Variants in SHISA9 observed in about 807,000 individuals in gnomAD.
The protein encoded by SHISA9 is shisa family member 9.
In SHISA9, 13 loss-of-function variants were observed where a neutral mutation model predicts 38.0. That is an observed-to-expected ratio of 0.34 (90% CI 0.22 to 0.54). The LOEUF (loss-of-function observed/expected upper bound fraction) is 0.54. Ranked by LOEUF, SHISA9 falls within the 20% of genes least tolerant of loss-of-function variation. The pLI, the probability that SHISA9 is intolerant of heterozygous loss-of-function variation, is 0.91. For synonymous variants in SHISA9, 275 were observed against 242.0 expected (o/e 1.14, Z -1.27); for missense variants, 538 against 575.8 (o/e 0.93, Z 0.67).
the SHISA9 span, among the ~76,000 whole-genome samples, chr16:13,458,131 A>G: frequency 6.6e-6 from 1 of 152,218 alleles, no homozygotes; most frequent in East Asian, 1.9e-4. Flanking sequence ...GCATTTGGGA[A>G]ACAGTGAAGG....
chr16:13,111,787 G>A (rs1230923640), intron 2 of SHISA9, among the ~76,000 whole-genome samples: 1 of 152,178 alleles, frequency 6.6e-6, no homozygotes. Context: ...TTTGGATTCT[G>A]TAAATGTGTG....
chr16:12,987,161 G>A (rs574591594), intron 2 of SHISA9, among the ~76,000 whole-genome samples: 1 of 152,266 alleles, frequency 6.6e-6, no homozygotes, highest in Non-Finnish European at 1.5e-5. Context: ...TGGGGCTAAA[G>A]AGCTGTTGTC....
At chr16:13,099,820 A>C (rs1216120753) in intron 2 of SHISA9, among the ~76,000 whole-genome samples, 3 of 152,190 alleles carry the variant, frequency 2.0e-5, no homozygotes, top group Admixed American at 6.5e-5. Flanking sequence ...TGACCCAAGA[A>C]GTAATGTGAT....
the SHISA9 span, among the ~76,000 whole-genome samples, chr16:13,554,969 C>A: frequency 3.9e-5 from 6 of 152,302 alleles, no homozygotes; most frequent in South Asian, 1.2e-3. Flanking sequence ...GCCATATCTC[C>A]TTGTGGAATA....
intron 2 of SHISA9, among the ~76,000 whole-genome samples, chr16:12,953,242 A>G (rs961792281): frequency 6.6e-6 from 1 of 151,672 alleles, no homozygotes; most frequent in South Asian, 2.1e-4. Context: ...ACAACAACAA[A>G]AAACAGCCAA....
At chr16:13,428,765 G>GTTTT in the SHISA9 span, among the ~76,000 whole-genome samples, 89 of 79,332 alleles carry the variant, frequency 1.1e-3, no homozygotes, top group African/African-American at 3.4e-3. Context: ...TTATTTTATT[G>GTTTT]TTTTATTGTT....
chr16:13,550,116 G>T, the SHISA9 span, among the ~76,000 whole-genome samples: 3 of 152,008 alleles, frequency 2.0e-5, no homozygotes, highest in African/African-American at 7.3e-5. Context: ...TCAGGAAAAG[G>T]GAACTACAGC....
the SHISA9 span, among the ~76,000 whole-genome samples, chr16:13,439,201 T>C: frequency 6.6e-6 from 1 of 151,972 alleles, no homozygotes; most frequent in Non-Finnish European, 1.5e-5. Context: ...ATCAAAACAG[T>C]GAGTAGTTTC....
the SHISA9 span, among the ~76,000 whole-genome samples, chr16:13,518,479 T>A: frequency 6.6e-6 from 1 of 152,106 alleles, no homozygotes; most frequent in African/African-American, 2.4e-5. Flanking sequence ...ATCTTTTTCC[T>A]CAATCTATCT....
chr16:13,115,089 G>C (rs1450277045), intron 2 of SHISA9, among the ~76,000 whole-genome samples: 1 of 151,630 alleles, frequency 6.6e-6, no homozygotes, highest in Non-Finnish European at 1.5e-5. Flanking sequence ...TCATTTTGCT[G>C]GCTGCCTATT....
chr16:13,162,496 C>G (rs369075756), intron 2 of SHISA9, among the ~76,000 whole-genome samples: 6 of 152,316 alleles, frequency 3.9e-5, no homozygotes, highest in African/African-American at 1.4e-4. Flanking sequence ...TACAGTACAT[C>G]TTTAATACAC....
At chr16:13,360,537 C>T in the SHISA9 span, among the ~76,000 whole-genome samples, 7 of 152,174 alleles carry the variant, frequency 4.6e-5, no homozygotes, top group Admixed American at 3.9e-4. Context: ...CTTCCTGCCA[C>T]CATGCAAAGA....
intron 2 of SHISA9, among the ~76,000 whole-genome samples, chr16:13,199,994 C>T (rs778076611): frequency 1.3e-5 from 2 of 152,150 alleles, no homozygotes; most frequent in Non-Finnish European, 2.9e-5. Context: ...GAATTAACAT[C>T]TCCCGGAAGC....
chr16:13,498,409 C>G, the SHISA9 span, among the ~76,000 whole-genome samples: 3 of 152,256 alleles, frequency 2.0e-5, no homozygotes, highest in East Asian at 5.8e-4. Flanking sequence ...TTTCAAAAGT[C>G]TTAAAAATAT....
chr16:13,130,857 GTCT>G (rs752330354), intron 2 of SHISA9, among the ~76,000 whole-genome samples: 6 of 152,274 alleles, frequency 3.9e-5, no homozygotes, highest in Non-Finnish European at 5.9e-5. Flanking sequence ...CTGCATGAAT[GTCT>G]TCTTTTGAAC....
chr16:13,022,631 C>G (rs1372798614), intron 2 of SHISA9, among the ~76,000 whole-genome samples: 4 of 152,070 alleles, frequency 2.6e-5, no homozygotes, highest in Non-Finnish European at 5.9e-5. Context: ...CGCGCCCAGC[C>G]TTAATTTTAT....
intron 2 of SHISA9, among the ~76,000 whole-genome samples, chr16:13,009,239 C>T (rs532694946): frequency 1.1e-4 from 17 of 152,160 alleles, no homozygotes; most frequent in Admixed American, 4.6e-4. Flanking sequence ...AGCTGGGAGT[C>T]GTCGACTCCA....
At chr16:13,186,257 A>G (rs1056833505) in intron 2 of SHISA9, among the ~76,000 whole-genome samples, 5 of 150,038 alleles carry the variant, frequency 3.3e-5, no homozygotes, top group Non-Finnish European at 5.9e-5. Flanking sequence ...AATTGTGGGG[A>G]AAAAAATAAC....
At chr16:13,339,065 T>C in the SHISA9 span, among the ~76,000 whole-genome samples, 3 of 152,142 alleles carry the variant, frequency 2.0e-5, no homozygotes. Flanking sequence ...TCTCTTGCAA[T>C]TTATGGGGAT....
Sources: allele counts gnomAD v4.1 joint callset (sites outside exome capture counted in the v4.1 genomes callset), GRCh38; gene constraint gnomAD v4.1.1; transcripts MANE v1.5; gene names NCBI Gene and HGNC (gene_info 2026-07-23, HGNC 2026-07-21).